DNAJC1: variants seen among roughly 807,000 people sequenced by gnomAD.
DNAJC1 encodes dnaJ homolog subfamily C member 1.
DNAJC1 carries 58 observed loss-of-function variants against 76.6 expected under a neutral mutation model. The ratio of observed to expected loss-of-function variants is 0.76; its 90% CI spans 0.61 to 0.94. The LOEUF (loss-of-function observed/expected upper bound fraction) is 0.94. Among genes scored for constraint, DNAJC1 ranks in the 40% least tolerant of loss-of-function variants. The probability of loss-of-function intolerance (pLI) is 0.00; values close to 1 mark genes in which losing one functional copy is unlikely to be tolerated. For missense variants in DNAJC1, 689 were observed against 677.3 expected (o/e 1.02, Z -0.19); for synonymous variants, 258 against 267.9 (o/e 0.96, Z 0.36).
At chr10:21,975,872 A>G (rs994590865) in intron 1 of DNAJC1, among the ~76,000 whole-genome samples, 4 of 152,244 alleles carry the variant, frequency 2.6e-5, no homozygotes, top group African/African-American at 9.6e-5. Context: ...TCATTAAACT[A>G]TGAATTGATT....
rs376128071 is a variant in DNAJC1, at chr10:21,951,055, A to T, written c.223-21914T>A. On this transcript the variant is annotated intron_variant, in intron 1 of 11. Transcript: ENST00000376980. ...GATAGATTAAAAAAAAAAGTAATCT[A>T]GATGGCCAGGCGAGGTGGCACTTTG... is the stretch of plus-strand genomic sequence containing the variant. 3.3e-5 allele frequency among the ~76,000 whole-genome samples: 5 copies of T among 152,334 alleles called. No homozygotes were observed. In the East Asian group the frequency reaches 7.7e-4, roughly 24 times the overall value.
chr10:21,885,596 C>T (rs1322469735), intron 7 of DNAJC1, among the ~76,000 whole-genome samples: 1 of 152,154 alleles, frequency 6.6e-6, no homozygotes, highest in Non-Finnish European at 1.5e-5. Flanking sequence ...GAACATTAAA[C>T]TATCCTCAGC....
intron 7 of DNAJC1, among the ~76,000 whole-genome samples, chr10:21,898,819 G>C (rs1836593214): frequency 6.7e-6 from 1 of 150,094 alleles, no homozygotes; most frequent in South Asian, 2.1e-4. Flanking sequence ...ACTTTAGAGA[G>C]TATTCCTTCT....
At chr10:21,848,554 C>A (rs534096646) in intron 8 of DNAJC1, among the ~76,000 whole-genome samples, 1 of 152,310 alleles carries the variant, frequency 6.6e-6, no homozygotes, top group Admixed American at 6.5e-5. Context: ...AATATAACCC[C>A]ACTTTCAATA....
At chr10:21,848,500 CT>C (rs1205173745) in intron 8 of DNAJC1, among the ~76,000 whole-genome samples, 1 of 152,200 alleles carries the variant, frequency 6.6e-6, no homozygotes, top group Non-Finnish European at 1.5e-5. Flanking sequence ...GGTCTTACCC[CT>C]AAAAAAATCT....
intron 1 of DNAJC1, among the ~76,000 whole-genome samples, chr10:21,941,484 G>A (rs1168253885): frequency 6.6e-6 from 1 of 151,966 alleles, no homozygotes; most frequent in African/African-American, 2.4e-5. Context: ...TTTATCTAAA[G>A]AGATGCACAG....
intron 1 of DNAJC1, among the ~76,000 whole-genome samples, chr10:21,930,767 A>G (rs1837208867): frequency 6.6e-6 from 1 of 152,202 alleles, no homozygotes; most frequent in Non-Finnish European, 1.5e-5. Context: ...GTAGAAATAA[A>G]TGATTATTTA....
intron 8 of DNAJC1, among the ~76,000 whole-genome samples, chr10:21,841,809 G>T (rs1257111350): frequency 6.6e-6 from 1 of 152,066 alleles, no homozygotes; most frequent in Non-Finnish European, 1.5e-5. Flanking sequence ...TATGTTTATA[G>T]CGGCACTGTT....
intron 1 of DNAJC1, among the ~76,000 whole-genome samples, chr10:21,934,230 AC>A (rs1429399771): frequency 6.6e-6 from 1 of 151,884 alleles, no homozygotes; most frequent in Non-Finnish European, 1.5e-5. Context: ...AAAAAAAAAA[AC>A]TAAATAATTT....
chr10:21,864,867 T>C (rs781685810), intron 8 of DNAJC1, among the ~76,000 whole-genome samples: 1 of 152,096 alleles, frequency 6.6e-6, no homozygotes, highest in Non-Finnish European at 1.5e-5. Flanking sequence ...CTGATTTATA[T>C]AACAAACTCT....
At chr10:21,932,207 G>C (rs1244364667) in intron 1 of DNAJC1, among the ~76,000 whole-genome samples, 1 of 152,074 alleles carries the variant, frequency 6.6e-6, no homozygotes, top group Non-Finnish European at 1.5e-5. Flanking sequence ...GGGTGTGGTG[G>C]CATGTGCCTG....
At chr10:21,939,857 A>C (rs960059813) in intron 1 of DNAJC1, among the ~76,000 whole-genome samples, 2 of 151,414 alleles carry the variant, frequency 1.3e-5, no homozygotes, top group Non-Finnish European at 2.9e-5. Context: ...CTAAACTCTT[A>C]CTAATGACTT....
At chr10:21,891,476 C>CAAAAAA (rs369729722) in intron 7 of DNAJC1, among the ~76,000 whole-genome samples, 55 of 38,744 alleles carry the variant, frequency 1.4e-3, no homozygotes, top group African/African-American at 2.2e-3. Context: ...ACAAAGTAGA[C>CAAAAAA]AAAAAAAAAA....
Position 21,836,594 on chromosome 10 carries a change from A to T in DNAJC1, c.979-30495T>A, listed in dbSNP as rs189239881. Reference sequence around the variant, plus strand: ...TATTCAGGAAACCCATCTCACGTTCAGAGACACACATAGGCTCAAAATAAT... The same window carrying T: ...TATTCAGGAAACCCATCTCACGTTCTGAGACACACATAGGCTCAAAATAAT... On this transcript the variant is annotated intron_variant, in intron 8 of 11. Transcript: ENST00000376980. Among the ~76,000 whole-genome samples the T allele has an allele frequency of 2.3e-3, 344 of 152,330 alleles. 3 individuals are homozygous for T. The highest frequency in any genetic ancestry group is 7.9e-3 in the African/African-American group (328 of 41,572).
chr10:21,930,469 G>A (rs897379722), intron 1 of DNAJC1, among the ~76,000 whole-genome samples: 3 of 152,104 alleles, frequency 2.0e-5, no homozygotes, highest in Non-Finnish European at 4.4e-5. Context: ...CTATATACCT[G>A]GGACTAAATA....
intron 5 of DNAJC1, among the ~76,000 whole-genome samples, chr10:21,919,236 C>G (rs915310299): frequency 3.3e-5 from 5 of 151,992 alleles, no homozygotes; most frequent in African/African-American, 1.2e-4. Context: ...AACTAACCAT[C>G]ATCAGAGTGT....
At chr10:21,974,827 T>C (rs780411047) in intron 1 of DNAJC1, among the ~76,000 whole-genome samples, 2 of 152,144 alleles carry the variant, frequency 1.3e-5, no homozygotes, top group Non-Finnish European at 1.5e-5. Context: ...TGTAATATTA[T>C]GAAGTAATTA....
chr10:21,792,479 G>A (rs370340359), intron 9 of DNAJC1, among the ~76,000 whole-genome samples: 15 of 152,260 alleles, frequency 9.9e-5, no homozygotes, highest in African/African-American at 1.7e-4. Context: ...AACCTTGACC[G>A]GGTGTGGTGG....
chr10:21,977,341 T>A (rs2131834107), intron 1 of DNAJC1, among the ~76,000 whole-genome samples: 1 of 152,318 alleles, frequency 6.6e-6, no homozygotes. Flanking sequence ...GTCTAATTAA[T>A]CTACAAAGCT....
Sources: gnomAD v4.1 joint callset for allele counts (sites outside exome capture counted in the v4.1 genomes callset) on GRCh38, gnomAD v4.1.1 for gene constraint, MANE v1.5 for transcripts, NCBI Gene and HGNC (gene_info 2026-07-23, HGNC 2026-07-21) for gene names.